Variants in SEC13 observed in about 807,000 individuals in gnomAD.
SEC13 encodes protein SEC13 homolog.
SEC13 carries 25 observed loss-of-function variants against 49.2 expected under a neutral mutation model. The observed-to-expected ratio is 0.51, with a 90% CI of 0.37 to 0.71. The LOEUF is 0.71. SEC13 is among the 30% of genes least tolerant of loss of function. The pLI is 0.00. For synonymous variants in SEC13, 148 were observed against 163.9 expected, an observed-to-expected ratio of 0.90 and a Z score of 0.74; for missense variants, 383 against 417.6, an observed-to-expected ratio of 0.92 and a Z score of 0.72.
At chr3:10,301,481 G>A (rs1225834172) in intron 8 of SEC13, 107 bp from the exon 9 acceptor site, 12 of 1,422,326 alleles carry the variant, frequency 8.4e-6, no homozygotes, top group Non-Finnish European at 9.7e-6. Flanking sequence ...AGAGGCTTGT[G>A]GGTGAACAGA....
At chr3:10,316,994 T>TC (rs1248133109) in intron 2 of SEC13, among the ~76,000 whole-genome samples, 10 of 88,830 alleles carry the variant, frequency 1.1e-4, no homozygotes, top group African/African-American at 4.7e-4. Context: ...AGAGCGAAAC[T>TC]CCATCTCAAA....
intron 1 of SEC13, chr3:10,319,452 TGAA>T (rs1473516115): frequency 1.8e-6 from 1 of 547,974 alleles, no homozygotes; most frequent in Non-Finnish European, 3.1e-6. Context: ...ACTAAGGAAA[TGAA>T]GAAGCCCAGA....
At chr3:10,308,200 C>A (rs1701009894) in intron 5 of SEC13, among the ~76,000 whole-genome samples, 1 of 152,180 alleles carries the variant, frequency 6.6e-6, no homozygotes, top group African/African-American at 2.4e-5. Flanking sequence ...GCCCATCATT[C>A]CCAAAAGTTT....
intron 5 of SEC13, among the ~76,000 whole-genome samples, chr3:10,306,569 T>C (rs1574868622): frequency 6.6e-6 from 1 of 152,220 alleles, no homozygotes; most frequent in African/African-American, 2.4e-5. Context: ...CTTCTTCTCA[T>C]TAACTATTCA....
rs1700686409 is a variant in SEC13 at position 10,303,737 on chromosome 3, TAGTAGGGTGATG to T, written c.855+277_855+288del. ...CATCACCATGAGGTGACCAAATGCTTAGTAGGGTGATGGGCCTGACTGGCTCTGCCACCTCAT... is the reference window on the plus strand; with the variant it reads ...CATCACCATGAGGTGACCAAATGCTTGGCCTGACTGGCTCTGCCACCTCAT... On this transcript the variant is annotated intron_variant, in intron 8 of 8. Transcript: ENST00000350697. 5 of 473,252 alleles carry T rather than the reference TAGTAGGGTGATG, an allele frequency of 1.1e-5. No individual in the cohort carries two copies. The Admixed American group carries it at 1.7e-4, about 16-fold the overall frequency. The allele number at this position is 473,252 out of a possible 1,614,324, so 29.3% of individuals were successfully genotyped here. A position where few individuals can be genotyped will look rare whatever the true frequency, so the allele number is the denominator to read the frequency against.
intron 1 of SEC13, among the ~76,000 whole-genome samples, chr3:10,320,006 G>GGAGGGAGGGAGA: frequency 1.9e-5 from 2 of 103,204 alleles, no homozygotes; most frequent in African/African-American, 7.6e-5. Flanking sequence ...GGGAGGGTGG[G>GGAGGGAGGGAGA]GAGAGAGAGA....
chr3:10,313,514 C>T (rs1559498766), intron 3 of SEC13: 1 of 498,996 alleles, frequency 2.0e-6, no homozygotes, highest in Admixed American at 2.0e-5. Flanking sequence ...AAAAAAGCCA[C>T]TCAATACCCA....
intron 1 of SEC13, among the ~76,000 whole-genome samples, chr3:10,320,158 G>C (rs2059751250): frequency 6.6e-6 from 1 of 152,174 alleles, no homozygotes; most frequent in Admixed American, 6.5e-5. Flanking sequence ...CTGAATGTCA[G>C]AGCATAAAAG....
chr3:10,313,925 A>AT (rs2125275463), intron 3 of SEC13: 1 of 153,624 alleles, frequency 6.5e-6, no homozygotes, highest in South Asian at 2.0e-4. Flanking sequence ...TTCTAGGCCC[A>AT]TTTCCCCAAA....
At chr3:10,303,654 C>A in intron 8 of SEC13, 1 of 292,002 alleles carries the variant, frequency 3.4e-6, no homozygotes, top group Non-Finnish European at 6.7e-6. Flanking sequence ...AAAATATCCC[C>A]AATCTTCTTC....
At chr3:10,304,511 A>G (rs1700741718) in intron 7 of SEC13, among the ~76,000 whole-genome samples, 2 of 152,154 alleles carry the variant, frequency 1.3e-5, no homozygotes. Flanking sequence ...CCAAAAACCA[A>G]GCTCCAAGAA....
In SEC13 at chr3:10,301,097, C is replaced by T. The variant is rs553299829; in HGVS notation, c.*164G>A. The T allele has an allele frequency of 1.2e-6, 2 of 1,612,930 alleles. No individual in the cohort carries two copies. The highest frequency in any genetic ancestry group is 1.3e-5 in the African/African-American group (1 of 75,028). ...CTGGACAGTAGATTACAAAGCATCT[C>T]CGATCACGTTAAGGCAGATGATCAA... On this transcript the variant is annotated 3_prime_UTR_variant, in exon 9 of 9. Transcript: ENST00000350697.
At chr3:10,312,995 GA>G (rs1701377977) in intron 3 of SEC13, 1 of 419,694 alleles carries the variant, frequency 2.4e-6, no homozygotes, top group Non-Finnish European at 4.3e-6. Context: ...GGCCAGGCAG[GA>G]GCCTCACTTG....
chr3:10,303,976 G>A lies in SEC13; in HGVS notation c.855+50C>T, dbSNP rs546069506. 2.5e-6 allele frequency: 4 copies of A among 1,606,316 alleles called. No individual in the cohort carries two copies. In the African/African-American group the frequency reaches 4.0e-5, roughly 16 times the overall value. On this transcript the variant is annotated intron_variant, in intron 8 of 8. Coordinates refer to ENST00000350697, the MANE Select transcript of SEC13 (RefSeq NM_183352.3). ...TCAAGTGCCCTCTCTAGTGGGCGGG[G>A]TGAAGACCAACAGGCTGTGTCCACC...
chr3:10,319,761 TGAGAGAGAGAGAGA>T (rs34434283), intron 1 of SEC13, among the ~76,000 whole-genome samples: 10 of 45,508 alleles, frequency 2.2e-4, no homozygotes, highest in Non-Finnish European at 2.7e-4. Context: ...CACTTCTGAA[TGAGAGAGAGAGAGA>T]GAGAGAGAGA....
At position 10,311,854 on chromosome 3, in the gene SEC13, C is replaced by T. The variant is rs530168313; in HGVS notation, c.450+111G>A. 1,598 of 1,600,358 alleles carry T rather than the reference C, an allele frequency of 1.0e-3. 3 individuals carry two copies. The highest frequency in any genetic ancestry group is 1.3e-3 in the Non-Finnish European group (1,483 of 1,172,932). On this transcript the variant is annotated intron_variant, in intron 5 of 8. Coordinates refer to ENST00000350697, the MANE Select transcript of SEC13 (RefSeq NM_183352.3). Reference sequence around the variant, plus strand: ...ATCATGTCTGGTCAGCTGACCACTCCCCGGCCCACTGTCCAGCGGGGACCC... The same window carrying T: ...ATCATGTCTGGTCAGCTGACCACTCTCCGGCCCACTGTCCAGCGGGGACCC...
intron 5 of SEC13, among the ~76,000 whole-genome samples, chr3:10,310,361 T>C (rs1295976974): frequency 2.6e-5 from 4 of 152,058 alleles, no homozygotes; most frequent in East Asian, 3.9e-4. Flanking sequence ...TGTTGTGGCG[T>C]GTGCCTGTAA....
chr3:10,305,539 G>A lies in SEC13; in HGVS notation c.584+20C>T. The A allele has an allele frequency of 2.5e-6, 4 of 1,612,238 alleles. No individual in the cohort carries two copies. Among genetic ancestry groups the A allele is most frequent in the Non-Finnish European group, 2.5e-6 (3 of 1,179,304 alleles). On this transcript the variant is annotated intron_variant, in intron 6 of 8. Transcript: ENST00000350697. ...GGTAGAAGTGTCCCCTCAAAGAGAA[G>A]GCCACACATCCCTACTTACTTCCAC...
At chr3:10,302,822 G>A (rs996769339) in intron 8 of SEC13, among the ~76,000 whole-genome samples, 1 of 152,234 alleles carries the variant, frequency 6.6e-6, no homozygotes, top group African/African-American at 2.4e-5. Flanking sequence ...GAAACAGGGT[G>A]TGGGCTGTCT....
Sources: allele counts gnomAD v4.1 joint callset (sites outside exome capture counted in the v4.1 genomes callset), GRCh38; gene constraint gnomAD v4.1.1; transcripts MANE v1.5; gene names NCBI Gene and HGNC (gene_info 2026-07-23, HGNC 2026-07-21).